KIR2DL3: variants seen among roughly 807,000 people sequenced by gnomAD.
KIR2DL3 encodes the protein killer cell immunoglobulin like receptor, two Ig domains and long cytoplasmic tail 3.
A neutral mutation model predicts 33.8 loss-of-function variants in KIR2DL3; 39 were observed. The ratio of observed to expected loss-of-function variants is 1.15; its 90% CI spans 0.89 to 1.51. KIR2DL3 has a LOEUF of 1.51. KIR2DL3 is among the 40% of genes most tolerant of loss of function. The probability of loss-of-function intolerance (pLI) is 0.00; values close to 1 mark genes in which losing one functional copy is unlikely to be tolerated. For missense variants in KIR2DL3, 462 were observed against 426.2 expected, an observed-to-expected ratio of 1.08 and a Z score of -0.74; for synonymous variants, 174 against 160.2, an observed-to-expected ratio of 1.09 and a Z score of -0.65.
At position 54,743,985 on chromosome 19, in the gene KIR2DL3, G is replaced by A; in HGVS notation, c.561G>A (p.Leu187=). 6.2e-7 allele frequency: 1 copy of A among 1,614,198 alleles called. No individual in the cohort carries two copies. Among genetic ancestry groups the A allele is most frequent in the Non-Finnish European group, 8.5e-7 (1 of 1,180,036 alleles). Residue 187 remains leucine, a synonymous_variant, in exon 4 of 8, where the codon CTG becomes CTA. Coordinates refer to ENST00000342376, the MANE Select transcript of KIR2DL3 (RefSeq NM_015868.3). ...VNGTFQADFP[L]GPATHGGTYR... ...GAACATTCCAGGCCGACTTTCCTCT[G>A]GGCCCTGCCACCCACGGAGGAACCT...
rs1034693335 is a variant in KIR2DL3, at chr19:54,739,362, G to C, written c.35-145G>C. 1.6e-5 allele frequency: 22 copies of C among 1,397,658 alleles called. No homozygotes were observed. In the African/African-American group the frequency reaches 1.9e-4, roughly 12 times the overall value. The allele number at this position is 1,397,658 out of a possible 1,614,324, so 86.6% of individuals were successfully genotyped here. The stretch of plus-strand genomic sequence containing the variant: ...GGGTCTCTGCACAGCCGACAGCCCT[G>C]TTCTTGGGTGCAGGTAGGCACTGAG... On this transcript the variant is annotated intron_variant, in intron 1 of 7. Coordinates refer to ENST00000342376, the MANE Select transcript of KIR2DL3 (RefSeq NM_015868.3).
chr19:54,752,850 C>G lies in KIR2DL3; in HGVS notation c.*331C>G. On this transcript the variant is annotated 3_prime_UTR_variant, in exon 8 of 8. Coordinates refer to ENST00000342376, the MANE Select transcript of KIR2DL3 (RefSeq NM_015868.3). Reference sequence around the variant, plus strand: ...TTCCTAGTCTACTTGAGGCTGCAATCACACTGAGGAACTCACAATTCCAAA... The same window carrying G: ...TTCCTAGTCTACTTGAGGCTGCAATGACACTGAGGAACTCACAATTCCAAA... The G allele has an allele frequency of 2.2e-6, 1 of 464,678 alleles. No individual in the cohort carries two copies. The highest frequency in any genetic ancestry group is 3.4e-5 in the East Asian group (1 of 29,726). 28.8% of individuals were successfully genotyped at this position (464,678 alleles called of 1,614,324 possible).
Position 54,738,523 on chromosome 19 carries a change from C to T in KIR2DL3, c.-23C>T, listed in dbSNP as rs544745580. 1,032 of 1,613,950 alleles carry T rather than the reference C, an allele frequency of 6.4e-4. 9 individuals carry two copies. The Admixed American group carries it at 0.014, about 23-fold the overall frequency. On this transcript the variant is annotated 5_prime_UTR_variant, in exon 1 of 8. Transcript: ENST00000342376. ...CTGCTGAGCTGAGCTGGGGCGCGGC[C>T]GCCTGTCTGCACAGACAGCACCATG...
Position 54,751,723 on chromosome 19 carries a change from C to T in KIR2DL3, c.790C>T (p.Leu264Phe). The T allele has an allele frequency of 6.1e-6, 9 of 1,472,136 alleles. 1 individual carries two copies. Among genetic ancestry groups the T allele is most frequent in the Non-Finnish European group, 8.3e-6 (9 of 1,082,084 alleles). The allele number at this position is 1,472,136 out of a possible 1,614,324, so 91.2% of individuals were successfully genotyped here. ...CCTCTTCATCCTCCTCCTCTTCTTTCTCCTTCATCGCTGGTGCTGCAACAA... is the reference window on the plus strand; with the variant it reads ...CCTCTTCATCCTCCTCCTCTTCTTTTTCCTTCATCGCTGGTGCTGCAACAA... ...IILFILLLFF[L>F]LHRWCCNKKN... The change falls in exon 6 of 8, where the codon CTC becomes TTC. Residue 264 changes from leucine (L) to phenylalanine (F), a missense_variant. Transcript: ENST00000342376.
intron 4 of KIR2DL3, among the ~76,000 whole-genome samples, chr19:54,744,660 G>C (rs1224554148): frequency 1.4e-4 from 21 of 150,400 alleles, no homozygotes; most frequent in African/African-American, 4.4e-4. Flanking sequence ...CTGAGTAGCT[G>C]GTGCTACAGG....
At chr19:54,744,954 A>ATACATTT (rs1398407460) in intron 4 of KIR2DL3, among the ~76,000 whole-genome samples, 1 of 31,276 alleles carries the variant, frequency 3.2e-5, no homozygotes, top group African/African-American at 1.1e-4. Flanking sequence ...ATATATATAT[A>ATACATTT]TTTTTTTTTT....
rs2073602903 is a variant in KIR2DL3 at position 54,752,389 on chromosome 19, A to G, written c.896A>G (p.Gln299Arg). Reference protein sequence around the residue: ...NREDSDEQDPQEVTYAQLNHC... With the variant: ...NREDSDEQDPREVTYAQLNHC... ...CAGGACTCTGATGAACAAGACCCTC[A>G]GGAGGTGACATATGCACAGTTGAAT... Residue 299 changes from glutamine to arginine, a missense_variant, in exon 8 of 8, where the codon CAG (glutamine) becomes CGG (arginine). Physicochemically the swap from Gln to Arg is conservative, Grantham distance 43. Coordinates refer to ENST00000342376, the MANE Select transcript of KIR2DL3 (RefSeq NM_015868.3). The G allele has an allele frequency of 2.7e-6, 4 of 1,471,292 alleles. No individual in the cohort carries two copies. The highest frequency in any genetic ancestry group is 3.1e-5 in the African/African-American group (2 of 65,522). 91.1% of individuals were successfully genotyped at this position (1,471,292 alleles called of 1,614,324 possible). A position where few individuals can be genotyped will look rare whatever the true frequency, so the allele number is the denominator to read the frequency against.
chr19:54,746,386 G>A (rs2072489741), intron 4 of KIR2DL3, among the ~76,000 whole-genome samples: 2 of 141,684 alleles, frequency 1.4e-5, no homozygotes, highest in South Asian at 4.9e-4. Flanking sequence ...TGCAGAAGTT[G>A]CTTAGTTTGA....
rs1398630539 is a variant in KIR2DL3, at chr19:54,746,367, T to G, written c.665-968T>G. Among the ~76,000 whole-genome samples the G allele has an allele frequency of 2.9e-5, 4 of 140,014 alleles. No homozygotes were observed. In the Admixed American group the frequency reaches 3.0e-4, roughly 10 times the overall value. 91.9% of individuals were successfully genotyped at this position (140,014 alleles called of 152,430 possible). A position where few individuals can be genotyped will look rare whatever the true frequency, so the allele number is the denominator to read the frequency against. The stretch of plus-strand genomic sequence containing the variant: ...TTGTCTCTTCACTTTGTTGGTTTAT[T>G]TTTAGCGGTGCAGAAGTTGCTTAGT... On this transcript the variant is annotated intron_variant, in intron 4 of 7. Coordinates refer to ENST00000342376, the MANE Select transcript of KIR2DL3 (RefSeq NM_015868.3).
At chr19:54,748,707 C>A (rs1469841751) in intron 5 of KIR2DL3, among the ~76,000 whole-genome samples, 3 of 143,594 alleles carry the variant, frequency 2.1e-5, no homozygotes, top group African/African-American at 7.8e-5. Flanking sequence ...CTGCAACCTG[C>A]GTCTCCTGGA....
chr19:54,750,643 T>C (rs76851340), intron 5 of KIR2DL3, among the ~76,000 whole-genome samples: 10,069 of 101,100 alleles, frequency 0.1, 649 homozygotes, highest in South Asian at 0.18. Context: ...AGACTCTAAA[T>C]ACCTCCTGGA....
At chr19:54,739,240 G>T (rs113217221) in intron 1 of KIR2DL3, among the ~76,000 whole-genome samples, 895 of 97,424 alleles carry the variant, frequency 9.2e-3, no homozygotes, top group African/African-American at 0.029. Context: ...GGCCTAGGGT[G>T]GAGATCTGAG....
At chr19:54,739,683 G>A (rs1311489331) in intron 2 of KIR2DL3, 141 bp downstream of exon 2, 24 of 1,369,710 alleles carry the variant, frequency 1.8e-5, no homozygotes, top group South Asian at 3.7e-5. Flanking sequence ...TTCTGACCTC[G>A]CCTCCCTGGC....
At chr19:54,741,020 C>A (rs2070977690) in intron 2 of KIR2DL3, among the ~76,000 whole-genome samples, 2 of 151,764 alleles carry the variant, frequency 1.3e-5, no homozygotes, top group African/African-American at 2.4e-5. Flanking sequence ...CAAAGCCCTG[C>A]AGATGCCTTG....
Position 54,744,921 on chromosome 19 carries a change from CATAT to C in KIR2DL3, c.664+864_664+867del, listed in dbSNP as rs1177112432. Among the ~76,000 whole-genome samples the C allele has an allele frequency of 6.5e-3, 164 of 25,248 alleles. 3 individuals are homozygous for C. Among genetic ancestry groups the C allele is most frequent in the South Asian group, 0.017 (10 of 584 alleles). The allele number at this position is 25,248 out of a possible 152,430, so 16.6% of individuals were successfully genotyped here. ...ATACACACACACACACATATATAAA[CATAT>C]ATATATATATATATATATATATATA... is the stretch of plus-strand genomic sequence containing the variant. On this transcript the variant is annotated intron_variant, in intron 4 of 7. Coordinates refer to ENST00000342376, the MANE Select transcript of KIR2DL3 (RefSeq NM_015868.3).
intron 4 of KIR2DL3, among the ~76,000 whole-genome samples, chr19:54,744,309 T>C (rs1307348641): frequency 6.6e-6 from 1 of 151,988 alleles, no homozygotes; most frequent in Admixed American, 6.5e-5. Flanking sequence ...CACAGGCAGA[T>C]GGAGAAAACG....
chr19:54,743,695 GA>G, intron 3 of KIR2DL3, 99 bp from the exon 4 acceptor site: 1 of 957,142 alleles, frequency 1.0e-6, no homozygotes, highest in Non-Finnish European at 1.5e-6. Flanking sequence ...GAGAGAGAGA[GA>G]GCATTAGGTC....
At chr19:54,740,561 C>T (rs1280549632) in intron 2 of KIR2DL3, among the ~76,000 whole-genome samples, 2 of 150,620 alleles carry the variant, frequency 1.3e-5, no homozygotes, top group Non-Finnish European at 2.9e-5. Flanking sequence ...GGTCAGAGGG[C>T]TCCTGTCTTG....
chr19:54,738,725 CTGGGCCT>C, intron 1 of KIR2DL3, 146 bp downstream of exon 1: 7 of 658,320 alleles, frequency 1.1e-5, no homozygotes, highest in Non-Finnish European at 1.5e-5. Flanking sequence ...GAGTGGAGAT[CTGGGCCT>C]GGAGTGGAGA....
Sources: gnomAD v4.1 joint callset for allele counts (sites outside exome capture counted in the v4.1 genomes callset) on GRCh38, gnomAD v4.1.1 for gene constraint, MANE v1.5 for transcripts, NCBI Gene and HGNC (gene_info 2026-07-23, HGNC 2026-07-21) for gene names.